MDGA2: variants seen among roughly 807,000 people sequenced by gnomAD.
MDGA2 encodes the protein MAM domain containing glycosylphosphatidylinositol anchor 2, also known as MAM domain-containing glycosylphosphatidylinositol anchor protein 2.
MDGA2 carries 40 observed loss-of-function variants against 117.8 expected under a neutral mutation model. That is an observed-to-expected ratio of 0.34 (90% CI 0.26 to 0.44). The LOEUF (loss-of-function observed/expected upper bound fraction) is 0.44. Ranked by LOEUF, MDGA2 falls within the 20% of genes least tolerant of loss-of-function variation. The pLI is 1.00. For missense variants in MDGA2, 1,123 were observed against 1,250.6 expected, an observed-to-expected ratio of 0.90 and a Z score of 1.54; for synonymous variants, 452 against 439.0, an observed-to-expected ratio of 1.03 and a Z score of -0.37.
intron 1 of MDGA2, among the ~76,000 whole-genome samples, chr14:47,326,921 G>C (rs1594798002): frequency 1.3e-5 from 2 of 152,214 alleles, no homozygotes; most frequent in South Asian, 2.1e-4. Context: ...GAATCAGATA[G>C]CACACTCAAA....
chr14:47,316,495 T>C (rs1186372060), intron 1 of MDGA2, among the ~76,000 whole-genome samples: 1 of 152,048 alleles, frequency 6.6e-6, no homozygotes, highest in African/African-American at 2.4e-5. Context: ...CAACTGAAAC[T>C]GGGCTTTTCA....
rs577252590 is a variant in MDGA2, at chr14:47,639,004, C to A, written c.280+35513G>T. 4.6e-4 allele frequency among the ~76,000 whole-genome samples: 70 copies of A among 152,128 alleles called. 2 individuals carry two copies. The highest frequency in any genetic ancestry group is 1.5e-5 in the Non-Finnish European group (1 of 68,022). On this transcript the variant is annotated intron_variant, in intron 1 of 16. Coordinates refer to ENST00000399232, the MANE Select transcript of MDGA2 (RefSeq NM_001113498.3). ...TCTTGGCAGTCAGCATTTCCTCACC[C>A]TGCAATACTCTACCCTAACTTCATC... is the stretch of plus-strand genomic sequence containing the variant.
At chr14:47,660,623 T>C (rs181712850) in intron 1 of MDGA2, among the ~76,000 whole-genome samples, 9 of 152,116 alleles carry the variant, frequency 5.9e-5, no homozygotes, top group African/African-American at 2.2e-4. Context: ...GCGCGAAAAA[T>C]GCCCAAGCAA....
chr14:47,515,108 A>T (rs924948186), intron 1 of MDGA2, among the ~76,000 whole-genome samples: 1 of 152,188 alleles, frequency 6.6e-6, no homozygotes, highest in Non-Finnish European at 1.5e-5. Context: ...TGCCAGTCAT[A>T]GTTAGAAAGT....
At chr14:47,320,221 A>AT (rs1394523666) in intron 1 of MDGA2, among the ~76,000 whole-genome samples, 1 of 152,144 alleles carries the variant, frequency 6.6e-6, no homozygotes, top group East Asian at 1.9e-4. Context: ...CAAATACACT[A>AT]TTAAACAATT....
intron 2 of MDGA2, among the ~76,000 whole-genome samples, chr14:47,226,937 T>A (rs1886525750): frequency 6.6e-6 from 1 of 152,150 alleles, no homozygotes; most frequent in Non-Finnish European, 1.5e-5. Flanking sequence ...CCCTTTTTCC[T>A]TCATTTAGTA....
intron 2 of MDGA2, among the ~76,000 whole-genome samples, chr14:47,225,579 G>T (rs930146998): frequency 6.7e-6 from 1 of 150,356 alleles, no homozygotes; most frequent in African/African-American, 2.5e-5. Flanking sequence ...ACCAAACACC[G>T]CATGTTCTCA....
At chr14:47,057,249 AC>A (rs1411281794) in intron 7 of MDGA2, among the ~76,000 whole-genome samples, 1 of 152,104 alleles carries the variant, frequency 6.6e-6, no homozygotes, top group Admixed American at 6.6e-5. Context: ...AGTTTCTTAT[AC>A]CCACATGAAC....
At chr14:47,524,566 C>T (rs1005006531) in intron 1 of MDGA2, among the ~76,000 whole-genome samples, 17 of 152,134 alleles carry the variant, frequency 1.1e-4, no homozygotes, top group Admixed American at 3.9e-4. Context: ...ACAAACAGCA[C>T]GTAATCTCCT....
intron 1 of MDGA2, among the ~76,000 whole-genome samples, chr14:47,313,245 C>T (rs984035436): frequency 8.4e-4 from 128 of 152,016 alleles, no homozygotes; most frequent in Admixed American, 8.1e-3. Context: ...ACACATGGAT[C>T]GGTGCCTTTC....
At chr14:47,176,353 A>AG (rs2139348570) in intron 3 of MDGA2, among the ~76,000 whole-genome samples, 1 of 152,316 alleles carries the variant, frequency 6.6e-6, no homozygotes, top group South Asian at 2.1e-4. Flanking sequence ...GTCAATCCTA[A>AG]GCCAAAAGAA....
At chr14:47,381,925 C>G (rs1157455188) in intron 1 of MDGA2, among the ~76,000 whole-genome samples, 10 of 152,228 alleles carry the variant, frequency 6.6e-5, no homozygotes, top group Middle Eastern at 3.4e-3. Flanking sequence ...GCAAAAAGAA[C>G]AAAGCTGGAG....
intron 1 of MDGA2, among the ~76,000 whole-genome samples, chr14:47,536,999 T>A (rs1895225693): frequency 6.6e-6 from 1 of 152,054 alleles, no homozygotes; most frequent in Non-Finnish European, 1.5e-5. Flanking sequence ...GACACTAAAT[T>A]CATGCATGTA....
At chr14:47,233,889 G>C (rs1282471134) in intron 2 of MDGA2, among the ~76,000 whole-genome samples, 5 of 151,992 alleles carry the variant, frequency 3.3e-5, no homozygotes, top group Non-Finnish European at 7.4e-5. Context: ...CCTACTAATG[G>C]ATCTCTCTAT....
intron 1 of MDGA2, among the ~76,000 whole-genome samples, chr14:47,593,725 G>A (rs899451284): frequency 1.8e-4 from 27 of 152,052 alleles, no homozygotes; most frequent in Admixed American, 6.6e-5. Flanking sequence ...AGGGCCTGTT[G>A]GGGGATGGGG....
At chr14:46,894,071 A>G (rs1882984711) in intron 10 of MDGA2, among the ~76,000 whole-genome samples, 1 of 152,042 alleles carries the variant, frequency 6.6e-6, no homozygotes, top group Non-Finnish European at 1.5e-5. Flanking sequence ...GAAAAACGAA[A>G]AGTAGTAACT....
Position 46,946,501 on chromosome 14 carries a change from G to C in MDGA2, c.2089+10873C>G, listed in dbSNP as rs539881639. On this transcript the variant is annotated intron_variant, in intron 9 of 16. Coordinates refer to ENST00000399232, the MANE Select transcript of MDGA2 (RefSeq NM_001113498.3). The stretch of plus-strand genomic sequence containing the variant: ...TTGTGTTGCCAATACAGCAGTAAAT[G>C]AAAGGCTAACAAGCAGGAATAAGTG... Among the ~76,000 whole-genome samples, 3 of 152,186 alleles carry C rather than the reference G, an allele frequency of 2.0e-5. No individual in the cohort carries two copies. In the South Asian group the frequency reaches 6.2e-4, roughly 32 times the overall value.
At chr14:47,549,971 G>T (rs1394449175) in intron 1 of MDGA2, among the ~76,000 whole-genome samples, 1 of 152,172 alleles carries the variant, frequency 6.6e-6, no homozygotes, top group African/African-American at 2.4e-5. Context: ...TGTTATGGCA[G>T]CCCAAGCTGA....
intron 3 of MDGA2, among the ~76,000 whole-genome samples, chr14:47,168,372 T>A (rs1395981520): frequency 6.6e-6 from 1 of 151,756 alleles, no homozygotes; most frequent in Non-Finnish European, 1.5e-5. Context: ...ATATTCTATA[T>A]AATTTTTCAT....
Sources: allele counts gnomAD v4.1 joint callset (sites outside exome capture counted in the v4.1 genomes callset), GRCh38; gene constraint gnomAD v4.1.1; transcripts MANE v1.5; gene names NCBI Gene and HGNC (gene_info 2026-07-23, HGNC 2026-07-21).